The following CDH13 variants were observed in gnomAD, a reference collection of about 807,000 sequenced individuals.
CDH13 encodes cadherin 13.
A neutral mutation model predicts 63.8 loss-of-function variants in CDH13; 24 were observed. The observed-to-expected ratio is 0.38, with a 90% confidence interval of 0.27 to 0.53. The LOEUF is 0.53. Among genes scored for constraint, CDH13 ranks in the 20% least tolerant of loss-of-function variants. CDH13 has a pLI of 0.85. For synonymous variants in CDH13, 503 were observed against 355.3 expected (o/e 1.42, Z -4.67); for missense variants, 1,049 against 903.1 (o/e 1.16, Z -2.07).
At chr16:82,749,373 T>G (rs7199662) in intron 1 of CDH13, among the ~76,000 whole-genome samples, 150,277 of 152,294 alleles carry the variant, frequency 0.99, 74,172 homozygotes, top group Middle Eastern at 1. Context: ...CACTTACGAG[T>G]AATAGTTTGA....
chr16:83,498,526 A>G (rs146096905), intron 7 of CDH13, among the ~76,000 whole-genome samples: 1 of 152,346 alleles, frequency 6.6e-6, no homozygotes, highest in African/African-American at 2.4e-5. Flanking sequence ...TGTGTCTTAC[A>G]TATCACCATG....
intron 1 of CDH13, among the ~76,000 whole-genome samples, chr16:82,710,609 G>C (rs1246522132): frequency 8.6e-6 from 1 of 116,526 alleles, no homozygotes; most frequent in South Asian, 2.7e-4. Context: ...AATATATAAA[G>C]TATATATGAT....
intron 1 of CDH13, among the ~76,000 whole-genome samples, chr16:82,720,350 C>A (rs1377122216): frequency 1.3e-5 from 2 of 152,086 alleles, no homozygotes; most frequent in South Asian, 2.1e-4. Context: ...ATACACAGTA[C>A]TTCATGAGTT....
chr16:82,729,601 A>G (rs2033288366), intron 1 of CDH13, among the ~76,000 whole-genome samples: 1 of 152,100 alleles, frequency 6.6e-6, no homozygotes, highest in African/African-American at 2.4e-5. Flanking sequence ...GCACTGCAAG[A>G]GTAATTTAGG....
At chr16:83,672,723 C>T (rs1182731124) in intron 9 of CDH13, among the ~76,000 whole-genome samples, 1 of 152,128 alleles carries the variant, frequency 6.6e-6, no homozygotes, top group Admixed American at 6.5e-5. Flanking sequence ...CTGCACCCTG[C>T]CAAATCCTGT....
rs75330620 is a variant in CDH13, at chr16:83,417,293, C to T, written c.782-69184C>T. On this transcript the variant is annotated intron_variant, in intron 6 of 13. Transcript: ENST00000567109. Reference sequence around the variant, plus strand: ...CCTTATCTTCTCCCCAGAACAGCCTCCCTTTCCGGTTTTCTCCCCTTTCCC... The same window carrying T: ...CCTTATCTTCTCCCCAGAACAGCCTTCCTTTCCGGTTTTCTCCCCTTTCCC... Among the ~76,000 whole-genome samples, 1,160 of 152,290 alleles carry T rather than the reference C, an allele frequency of 7.6e-3. 8 individuals carry two copies. The highest frequency in any genetic ancestry group is 0.012 in the Non-Finnish European group (798 of 68,024).
At chr16:82,782,806 A>G (rs1326793191) in intron 1 of CDH13, among the ~76,000 whole-genome samples, 1 of 152,128 alleles carries the variant, frequency 6.6e-6, no homozygotes, top group Admixed American at 6.5e-5. Context: ...GAATCCTGAC[A>G]GGAGCAGGCT....
chr16:83,552,709 T>G (rs778155118), intron 7 of CDH13, among the ~76,000 whole-genome samples: 1 of 152,214 alleles, frequency 6.6e-6, no homozygotes, highest in Non-Finnish European at 1.5e-5. Flanking sequence ...AAAGAAAGAA[T>G]GTTGAAACCT....
chr16:83,377,090 A>C (rs935594372), intron 6 of CDH13, among the ~76,000 whole-genome samples: 1 of 152,178 alleles, frequency 6.6e-6, no homozygotes, highest in African/African-American at 2.4e-5. Flanking sequence ...GGCTGACCTC[A>C]TGAGAATCTG....
intron 2 of CDH13, among the ~76,000 whole-genome samples, chr16:82,961,834 G>T (rs1261704165): frequency 6.6e-6 from 1 of 152,166 alleles, no homozygotes; most frequent in Non-Finnish European, 1.5e-5. Context: ...CCGTTGGGAT[G>T]GGGGCTGCCG....
At chr16:83,505,121 C>A (rs1012662162) in intron 7 of CDH13, among the ~76,000 whole-genome samples, 1 of 152,142 alleles carries the variant, frequency 6.6e-6, no homozygotes, top group Non-Finnish European at 1.5e-5. Flanking sequence ...TCCTACCCAT[C>A]CTCAAATTCT....
intron 5 of CDH13, among the ~76,000 whole-genome samples, chr16:83,308,810 C>G (rs1295682874): frequency 6.6e-6 from 1 of 152,152 alleles, no homozygotes; most frequent in East Asian, 1.9e-4. Flanking sequence ...CAAGAGGGAG[C>G]CTGAGAATCT....
chr16:82,895,745 T>A (rs2041233827), intron 2 of CDH13, among the ~76,000 whole-genome samples: 1 of 151,954 alleles, frequency 6.6e-6, no homozygotes, highest in East Asian at 1.9e-4. Context: ...TTATAAACTG[T>A]TAGATTAACC....
At chr16:82,874,493 A>G (rs1041042746) in intron 2 of CDH13, among the ~76,000 whole-genome samples, 21 of 150,698 alleles carry the variant, frequency 1.4e-4, no homozygotes, top group African/African-American at 4.9e-4. Context: ...TTTCTTTTCC[A>G]TTTGAAGCCA....
At chr16:82,684,389 G>A (rs75000481) in intron 1 of CDH13, among the ~76,000 whole-genome samples, 4,950 of 152,254 alleles carry the variant, frequency 0.033, 129 homozygotes, top group Middle Eastern at 0.061. Context: ...AGTAGGTTTT[G>A]TTTTGTGGGT....
At chr16:82,650,133 T>C (rs1425764630) in intron 1 of CDH13, among the ~76,000 whole-genome samples, 1 of 152,230 alleles carries the variant, frequency 6.6e-6, no homozygotes, top group African/African-American at 2.4e-5. Context: ...ACCTCTCCTG[T>C]CTTCCAGGGA....
At chr16:83,130,432 T>C (rs1192043724) in intron 4 of CDH13, among the ~76,000 whole-genome samples, 1 of 152,244 alleles carries the variant, frequency 6.6e-6, no homozygotes, top group African/African-American at 2.4e-5. Flanking sequence ...GAATGAAATA[T>C]CTTCACTGAC....
At chr16:83,323,421 C>G (rs2090285535) in intron 5 of CDH13, among the ~76,000 whole-genome samples, 1 of 151,438 alleles carries the variant, frequency 6.6e-6, no homozygotes, top group African/African-American at 2.4e-5. Context: ...GCTGGGATTA[C>G]AGGTGCCTGC....
chr16:83,655,583 A>C (rs1912796858), intron 8 of CDH13, among the ~76,000 whole-genome samples: 1 of 152,226 alleles, frequency 6.6e-6, no homozygotes, highest in Non-Finnish European at 1.5e-5. Context: ...GAGAAAAGGC[A>C]GAGATGGGCA....
Sources: allele counts gnomAD v4.1 joint callset (sites outside exome capture counted in the v4.1 genomes callset), GRCh38; gene constraint gnomAD v4.1.1; transcripts MANE v1.5; gene names NCBI Gene and HGNC (gene_info 2026-07-23, HGNC 2026-07-21).